Variants in FMN1 observed in about 807,000 individuals in gnomAD.
FMN1 encodes the protein formin 1, also known as formin-1.
A neutral mutation model predicts 132.4 loss-of-function variants in FMN1; 110 were observed. The ratio of observed to expected loss-of-function variants is 0.83; its 90% CI spans 0.71 to 0.97. The LOEUF (loss-of-function observed/expected upper bound fraction) is 0.97. Ranked by LOEUF, FMN1 falls within the 50% of genes least tolerant of loss-of-function variation. The pLI, the probability that FMN1 is intolerant of heterozygous loss-of-function variation, is 0.00. For missense variants in FMN1, 1,792 were observed against 1,705.3 expected (o/e 1.05, Z -0.90); for synonymous variants, 722 against 651.7 (o/e 1.11, Z -1.64).
At chr15:32,828,731 A>G (rs1283696919) in intron 17 of FMN1, among the ~76,000 whole-genome samples, 1 of 152,238 alleles carries the variant, frequency 6.6e-6, no homozygotes, top group East Asian at 1.9e-4. Context: ...CACTTGGCTC[A>G]TGTTCCCTCT....
At chr15:32,964,068 A>G in intron 9 of FMN1, 39 bp downstream of exon 9, 1 of 1,458,910 alleles carries the variant, frequency 6.9e-7, no homozygotes, top group Non-Finnish European at 9.5e-7. Flanking sequence ...ATTTCCCTGT[A>G]TAATATATAA....
chr15:32,890,853 T>C (rs2060010199), intron 15 of FMN1, among the ~76,000 whole-genome samples: 1 of 152,230 alleles, frequency 6.6e-6, no homozygotes, highest in Non-Finnish European at 1.5e-5. Flanking sequence ...TGTTATCTTC[T>C]AGAATTTTTA....
At chr15:32,853,384 G>A (rs977184857) in intron 17 of FMN1, among the ~76,000 whole-genome samples, 2 of 152,120 alleles carry the variant, frequency 1.3e-5, no homozygotes, top group African/African-American at 4.8e-5. Context: ...GAGTCTACAT[G>A]TTGTGGCTTA....
intron 3 of FMN1, among the ~76,000 whole-genome samples, chr15:33,161,432 T>G (rs950744982): frequency 2.6e-5 from 4 of 152,154 alleles, no homozygotes; most frequent in Non-Finnish European, 5.9e-5. Context: ...AAGACCACGC[T>G]CCTCTGGGGT....
intron 16 of FMN1, among the ~76,000 whole-genome samples, chr15:32,866,040 T>C (rs1001172433): frequency 6.6e-6 from 1 of 151,694 alleles, no homozygotes; most frequent in Non-Finnish European, 1.5e-5. Flanking sequence ...ATTAGAAAAA[T>C]TTCCCCTTTG....
chr15:33,121,615 A>ACCT (rs1215137289), intron 4 of FMN1, among the ~76,000 whole-genome samples: 2 of 151,966 alleles, frequency 1.3e-5, no homozygotes, highest in African/African-American at 2.4e-5. Context: ...TGCAACCTCC[A>ACCT]CCTCCCGGGT....
intron 17 of FMN1, among the ~76,000 whole-genome samples, chr15:32,849,381 T>C (rs2058949531): frequency 2.0e-5 from 3 of 152,144 alleles, no homozygotes; most frequent in Admixed American, 1.3e-4. Flanking sequence ...ATATACCTAA[T>C]AATAACATAA....
chr15:32,907,859 G>A (rs1567369871), intron 12 of FMN1, among the ~76,000 whole-genome samples: 2 of 151,020 alleles, frequency 1.3e-5, no homozygotes, highest in African/African-American at 4.9e-5. Flanking sequence ...GCAGAGCCCC[G>A]GGAGCTTATC....
chr15:32,969,034 A>G lies in FMN1; in HGVS notation c.2667T>C (p.Ser889=). The change falls in exon 8 of 21, where the codon TCT becomes TCC. Residue 889 remains serine (S), a synonymous_variant. Coordinates refer to ENST00000616417, the MANE Select transcript of FMN1 (RefSeq NM_001277313.2). ...PPLPSGLGSL[S]PAPPMPPVSA... ...TCACAGGTGGCATTGGAGGTGCGGG[A>G]GACAAAGATCCAAGTCCTGAGGGGA... 7.0e-7 allele frequency: 1 copy of G among 1,437,872 alleles called. No homozygotes were observed. Among genetic ancestry groups the G allele is most frequent in the Non-Finnish European group, 9.4e-7 (1 of 1,059,078 alleles). The allele number at this position is 1,437,872 out of a possible 1,614,324, so 89.1% of individuals were successfully genotyped here. A position where few individuals can be genotyped will look rare whatever the true frequency, so the allele number is the denominator to read the frequency against.
chr15:33,028,107 G>A (rs984767089), intron 6 of FMN1, among the ~76,000 whole-genome samples: 2 of 152,172 alleles, frequency 1.3e-5, no homozygotes, highest in Non-Finnish European at 2.9e-5. Context: ...ACAATCACCT[G>A]GGGAGGTTTA....
intron 16 of FMN1, among the ~76,000 whole-genome samples, chr15:32,861,721 T>C (rs2059273290): frequency 6.6e-6 from 1 of 152,196 alleles, no homozygotes; most frequent in Non-Finnish European, 1.5e-5. Context: ...TACGGAAATA[T>C]GCCACGGTGC....
chr15:33,128,793 G>A (rs191762220), intron 4 of FMN1, among the ~76,000 whole-genome samples: 4 of 152,224 alleles, frequency 2.6e-5, no homozygotes, highest in African/African-American at 7.2e-5. Context: ...GTGAGCAGCA[G>A]CAAGATTTAC....
intron 7 of FMN1, among the ~76,000 whole-genome samples, chr15:32,995,714 C>T (rs916180684): frequency 2.6e-5 from 4 of 152,284 alleles, no homozygotes; most frequent in Non-Finnish European, 4.4e-5. Flanking sequence ...AAGTTATGTA[C>T]ATGAAATTAT....
chr15:32,767,019 A>G lies in FMN1; in HGVS notation c.*7291T>C, dbSNP rs1369034795. 1 of 152,210 alleles carries G rather than the reference A, an allele frequency of 6.6e-6. No individual in the cohort carries two copies. Among genetic ancestry groups the G allele is most frequent in the Non-Finnish European group, 1.5e-5 (1 of 68,056 alleles). The allele number at this position is 152,210 out of a possible 1,614,324, so 9.4% of individuals were successfully genotyped here. A position where few individuals can be genotyped will look rare whatever the true frequency, so the allele number is the denominator to read the frequency against. ...AAGCACAGACCAGTTTCACTGGGGT[A>G]CCTGCTTTCCCAGTACATTGGCACT... is the stretch of plus-strand genomic sequence containing the variant. On this transcript the variant is annotated 3_prime_UTR_variant, in exon 21 of 21. Transcript: ENST00000616417.
chr15:33,056,122 CT>C (rs2037205472), intron 6 of FMN1, among the ~76,000 whole-genome samples: 1 of 152,170 alleles, frequency 6.6e-6, no homozygotes, highest in African/African-American at 2.4e-5. Flanking sequence ...ATAAAAATCC[CT>C]TTGAAACACT....
chr15:33,145,396 C>T (rs930298893), intron 4 of FMN1, among the ~76,000 whole-genome samples: 1 of 151,878 alleles, frequency 6.6e-6, no homozygotes, highest in East Asian at 1.9e-4. Flanking sequence ...CCAATAGGGA[C>T]ACTGCTTCCC....
At chr15:33,067,147 T>TA (rs2037774273) in intron 5 of FMN1, 4 of 1,613,976 alleles carry the variant, frequency 2.5e-6, no homozygotes, top group Non-Finnish European at 2.5e-6. Flanking sequence ...TCTGGTTTGT[T>TA]ACTGCAGGTA....
intron 10 of FMN1, among the ~76,000 whole-genome samples, chr15:32,918,265 C>G (rs372314898): frequency 1.3e-5 from 2 of 151,900 alleles, no homozygotes; most frequent in South Asian, 4.2e-4. Flanking sequence ...CTAAGGCACA[C>G]AGCACACGAA....
rs147002750 is a variant in FMN1, at chr15:32,953,781, T to C, written c.3138+10326A>G. Among the ~76,000 whole-genome samples the C allele has an allele frequency of 2.1e-3, 322 of 152,266 alleles. 2 individuals are homozygous for C. Among genetic ancestry groups the C allele is most frequent in the African/African-American group, 7.6e-3 (315 of 41,540 alleles). ...CCACTGGCTGCTGCCGCCAAATGCA[T>C]TTCTGTTATGTAAGGACAACTGCAA... On this transcript the variant is annotated intron_variant, in intron 9 of 20. Coordinates refer to ENST00000616417, the MANE Select transcript of FMN1 (RefSeq NM_001277313.2).
Sources: allele counts gnomAD v4.1 joint callset (sites outside exome capture counted in the v4.1 genomes callset), GRCh38; gene constraint gnomAD v4.1.1; transcripts MANE v1.5; gene names NCBI Gene and HGNC (gene_info 2026-07-23, HGNC 2026-07-21).